Variants in DENND1A observed in about 807,000 individuals in gnomAD.
DENND1A encodes the protein DENN domain-containing protein 1A.
A neutral mutation model predicts 113.7 loss-of-function variants in DENND1A; 51 were observed. That is an observed-to-expected ratio of 0.45 (90% CI 0.36 to 0.57). The LOEUF (loss-of-function observed/expected upper bound fraction) is 0.57. DENND1A is among the 20% of genes least tolerant of loss of function. The pLI is 0.00. For synonymous variants in DENND1A, 565 were observed against 570.8 expected (o/e 0.99, Z 0.14); for missense variants, 1,258 against 1,395.9 (o/e 0.90, Z 1.57).
intron 1 of DENND1A, among the ~76,000 whole-genome samples, chr9:123,918,165 G>C (rs1855531447): frequency 6.6e-6 from 1 of 151,404 alleles, no homozygotes; most frequent in Admixed American, 6.6e-5. Flanking sequence ...CTGGGATCCT[G>C]TTAAAAGGAC....
chr9:123,906,155 C>G (rs1399501832), intron 1 of DENND1A, among the ~76,000 whole-genome samples: 14 of 151,062 alleles, frequency 9.3e-5, no homozygotes, highest in Admixed American at 7.2e-4. Flanking sequence ...TTCTTTGAAA[C>G]CAACGAGAAC....
rs552175802 is a variant in DENND1A, at chr9:123,689,671, T to C, written c.303-12882A>G. 6.0e-4 allele frequency among the ~76,000 whole-genome samples: 92 copies of C among 152,180 alleles called. No individual in the cohort carries two copies. In the Middle Eastern group the frequency reaches 0.024, roughly 39 times the overall value. On this transcript the variant is annotated intron_variant, in intron 5 of 23. Coordinates refer to ENST00000394215, the MANE Select transcript of DENND1A (RefSeq NM_001352964.2). ...ATATGGGAAAATGTCCATAAAATAA[T>C]AGTGGTTGAAAAGAATGGCCAGGTG...
chr9:123,381,320 T>A lies in DENND1A; in HGVS notation c.*112A>T. The A allele has an allele frequency of 9.2e-7, 1 of 1,081,086 alleles. No individual in the cohort carries two copies. The allele number at this position is 1,081,086 out of a possible 1,614,324, so 67.0% of individuals were successfully genotyped here. On this transcript the variant is annotated 3_prime_UTR_variant, in exon 24 of 24. Transcript: ENST00000394215. The surrounding 1 kb of genome is among the most constrained non-coding windows in gnomAD (Gnocchi z 4.7). Reference sequence around the variant, plus strand: ...GAGGGGGCAGCAGAGAGGGGTCCCATCCCTTCCCACCAGCAGAACCTGGGC... The same window carrying A: ...GAGGGGGCAGCAGAGAGGGGTCCCAACCCTTCCCACCAGCAGAACCTGGGC...
intron 3 of DENND1A, among the ~76,000 whole-genome samples, chr9:123,784,507 C>T (rs1799294797): frequency 6.6e-6 from 1 of 152,158 alleles, no homozygotes; most frequent in Non-Finnish European, 1.5e-5. Flanking sequence ...GGGACTGATT[C>T]TATGAGGCTA....
At chr9:123,403,370 T>C in intron 21 of DENND1A, 32 bp downstream of exon 21, 1 of 1,611,122 alleles carries the variant, frequency 6.2e-7, no homozygotes, top group Non-Finnish European at 8.5e-7. Context: ...CACAGGGTTC[T>C]TACAGACAGA....
intron 9 of DENND1A, among the ~76,000 whole-genome samples, chr9:123,639,745 C>G (rs2061923651): frequency 6.8e-6 from 1 of 146,066 alleles, no homozygotes; most frequent in African/African-American, 2.5e-5. Context: ...CCACTGCACT[C>G]TAGCCTGGGC....
intron 2 of DENND1A, among the ~76,000 whole-genome samples, chr9:123,867,861 G>T (rs1845999613): frequency 6.6e-6 from 1 of 152,198 alleles, no homozygotes; most frequent in South Asian, 2.1e-4. Context: ...GATACTGTAA[G>T]ACACTCTTTT....
chr9:123,596,080 T>C (rs1216411139), intron 11 of DENND1A, among the ~76,000 whole-genome samples: 1 of 152,174 alleles, frequency 6.6e-6, no homozygotes, highest in Non-Finnish European at 1.5e-5. Context: ...CATGCGATGA[T>C]ATGGCAGAGC....
chr9:123,810,112 G>C (rs929137794), intron 2 of DENND1A, among the ~76,000 whole-genome samples: 5 of 152,112 alleles, frequency 3.3e-5, no homozygotes, highest in African/African-American at 1.2e-4. Flanking sequence ...CCTTTTTGAG[G>C]ACCAGTAAAA....
chr9:123,732,671 C>CAAATTA (rs1245641768), intron 5 of DENND1A, among the ~76,000 whole-genome samples: 1 of 151,940 alleles, frequency 6.6e-6, no homozygotes, highest in Non-Finnish European at 1.5e-5. Flanking sequence ...TTACTGTACA[C>CAAATTA]AAATTAAAAA....
intron 5 of DENND1A, among the ~76,000 whole-genome samples, chr9:123,717,901 C>G (rs923886847): frequency 6.6e-6 from 1 of 152,204 alleles, no homozygotes; most frequent in African/African-American, 2.4e-5. Context: ...TGCAAAGGAG[C>G]TACAAAGGCA....
intron 5 of DENND1A, among the ~76,000 whole-genome samples, chr9:123,680,327 A>G (rs755522256): frequency 2.4e-4 from 36 of 152,184 alleles, no homozygotes; most frequent in Non-Finnish European, 4.3e-4. Context: ...ATATGAGGTA[A>G]TAAGTTTTAA....
intron 21 of DENND1A, 62 bp from the exon 22 acceptor site, chr9:123,387,920 C>G (rs2042651850): frequency 7.9e-7 from 1 of 1,268,770 alleles, no homozygotes; most frequent in African/African-American, 1.5e-5. Context: ...CAGAACTTCA[C>G]GTGCAGGCGG....
intron 13 of DENND1A, among the ~76,000 whole-genome samples, chr9:123,487,758 C>T (rs998896125): frequency 1.3e-5 from 2 of 152,154 alleles, no homozygotes; most frequent in South Asian, 2.1e-4. Context: ...GCTGGGGGAA[C>T]AAAAGACTTG....
chr9:123,830,739 G>A (rs1250992109), intron 2 of DENND1A, among the ~76,000 whole-genome samples: 3 of 151,622 alleles, frequency 2.0e-5, no homozygotes, highest in African/African-American at 7.3e-5. Context: ...GGTGGCAGAC[G>A]CCTGTAATCC....
chr9:123,849,409 G>A (rs1278237652), intron 2 of DENND1A, among the ~76,000 whole-genome samples: 3 of 152,110 alleles, frequency 2.0e-5, no homozygotes, highest in East Asian at 1.9e-4. Context: ...TTAGGTTGGT[G>A]CAAAAATTAT....
chr9:123,661,638 G>T (rs1313610436), intron 8 of DENND1A, among the ~76,000 whole-genome samples: 1 of 152,208 alleles, frequency 6.6e-6, no homozygotes, highest in Non-Finnish European at 1.5e-5. Context: ...TCTTAAATGT[G>T]ACGGGGCAGC....
At chr9:123,550,539 C>A (rs1377824668) in intron 13 of DENND1A, among the ~76,000 whole-genome samples, 1 of 152,208 alleles carries the variant, frequency 6.6e-6, no homozygotes, top group Non-Finnish European at 1.5e-5. Flanking sequence ...GAGAGGAACC[C>A]TCACATGCAC....
intron 2 of DENND1A, among the ~76,000 whole-genome samples, chr9:123,838,168 C>T (rs1012267010): frequency 6.6e-6 from 1 of 152,102 alleles, no homozygotes; most frequent in Non-Finnish European, 1.5e-5. Flanking sequence ...GACCTAGAAT[C>T]GAATCAACAA....
Sources: gnomAD v4.1 joint callset for allele counts (sites outside exome capture counted in the v4.1 genomes callset) on GRCh38, gnomAD v4.1.1 for gene constraint, Gnocchi (gnomAD v3.1) non-coding constraint, MANE v1.5 for transcripts, NCBI Gene and HGNC (gene_info 2026-07-23, HGNC 2026-07-21) for gene names.